The following UBR1 variants were observed in gnomAD, a reference collection of about 807,000 sequenced individuals.
The protein encoded by UBR1 is ubiquitin protein ligase E3 component n-recognin 1.
A neutral mutation model predicts 242.1 loss-of-function variants in UBR1; 102 were observed. That is an observed-to-expected ratio of 0.42 (90% confidence interval 0.36 to 0.50). The LOEUF is 0.50. Among genes scored for constraint, UBR1 ranks in the 20% least tolerant of loss-of-function variants. The probability of loss-of-function intolerance (pLI) is 0.01; values close to 1 mark genes in which losing one functional copy is unlikely to be tolerated. For missense variants in UBR1, 1,772 were observed against 2,101.8 expected, an observed-to-expected ratio of 0.84 and a Z score of 3.07; for synonymous variants, 675 against 684.8, an observed-to-expected ratio of 0.99 and a Z score of 0.22.
chr15:42,990,200 T>C, intron 33 of UBR1, 80 bp from the exon 34 acceptor site: 1 of 1,056,578 alleles, frequency 9.5e-7, no homozygotes, highest in East Asian at 2.6e-5. Flanking sequence ...TTTATTTATT[T>C]ATTTTTGACA....
At chr15:43,094,798 TAA>T (rs771599020) in intron 1 of UBR1, among the ~76,000 whole-genome samples, 1 of 152,252 alleles carries the variant, frequency 6.6e-6, no homozygotes, top group South Asian at 2.1e-4. Flanking sequence ...GTAAATATGA[TAA>T]GTCTTCTATG....
rs778098996 is a variant in UBR1 at position 42,966,215 on chromosome 15, C to T, written c.4529G>A (p.Arg1510His). Reference sequence around the variant, plus strand: ...ATAGTGGAAAAACAATGCAGCACAGCGAAGATAAGGGGTGATGCCATTCTT... The same window carrying T: ...ATAGTGGAAAAACAATGCAGCACAGTGAAGATAAGGGGTGATGCCATTCTT... ...SLKNGITPYLRCAALFFHYLL... is the reference protein window; with the variant it reads ...SLKNGITPYLHCAALFFHYLL... The change falls in exon 41 of 47, where the codon CGC (arginine) becomes CAC (histidine). Residue 1510 changes from arginine (R) to histidine (H), a missense_variant. Around this residue, in one of 3 missense-constraint regions of UBR1, gnomAD observed 965 missense variants for 1,079.7 expected, o/e 0.89. Transcript: ENST00000290650. The T allele has an allele frequency of 1.1e-5, 18 of 1,613,942 alleles. No individual in the cohort carries two copies. Among genetic ancestry groups the T allele is most frequent in the African/African-American group, 5.3e-5 (4 of 74,866 alleles).
At chr15:43,101,097 C>A (rs2141372939) in intron 1 of UBR1, among the ~76,000 whole-genome samples, 1 of 152,278 alleles carries the variant, frequency 6.6e-6, no homozygotes, top group East Asian at 1.9e-4. Flanking sequence ...ACAGCACAGA[C>A]CCTAAAGCAA....
intron 33 of UBR1, 91 bp downstream of exon 33, chr15:42,998,077 G>A: frequency 8.6e-7 from 1 of 1,167,798 alleles, no homozygotes; most frequent in Non-Finnish European, 1.2e-6. Flanking sequence ...ATCTGTACTT[G>A]CAAACCATAT....
intron 4 of UBR1, among the ~76,000 whole-genome samples, chr15:43,074,516 C>T (rs537053982): frequency 6.6e-6 from 1 of 152,156 alleles, no homozygotes; most frequent in Non-Finnish European, 1.5e-5. Context: ...GCAACCTCCA[C>T]CTCCCAGGTT....
chr15:42,983,939 G>A lies in UBR1; in HGVS notation c.4108C>T (p.Pro1370Ser). Residue 1370 changes from proline to serine, a missense_variant, in exon 37 of 47, where the codon CCT becomes TCT. Pro to Ser is a moderately conservative substitution (Grantham distance 74). Around this residue, in one of 3 missense-constraint regions of UBR1, gnomAD observed 965 missense variants for 1,079.7 expected, o/e 0.89. Transcript: ENST00000290650. ...AGATGTTTCTGTATCAGGACCTGAG[G>A]ACAGGTAATCCTCTGTGCAACTGCA... ...QFAVAQRITCPQVLIQKHLVR... is the reference protein window; with the variant it reads ...QFAVAQRITCSQVLIQKHLVR... The A allele has an allele frequency of 6.2e-7, 1 of 1,613,312 alleles. No homozygotes were observed. Among genetic ancestry groups the A allele is most frequent in the Non-Finnish European group, 8.5e-7 (1 of 1,179,628 alleles).
At chr15:43,036,626 G>T (rs763582579) in intron 17 of UBR1, 33 bp from the exon 18 acceptor site, 8 of 1,424,230 alleles carry the variant, frequency 5.6e-6, no homozygotes, top group Non-Finnish European at 7.9e-6. Context: ...AATCCTAAAA[G>T]AATTATTTTA....
At chr15:42,948,565 G>T (rs185054480) in intron 46 of UBR1, among the ~76,000 whole-genome samples, 1 of 151,508 alleles carries the variant, frequency 6.6e-6, no homozygotes, top group Non-Finnish European at 1.5e-5. Context: ...AATCCACAAT[G>T]AACTCAAACA....
intron 25 of UBR1, among the ~76,000 whole-genome samples, chr15:43,023,009 G>A (rs1433924296): frequency 1.3e-5 from 2 of 151,832 alleles, no homozygotes; most frequent in African/African-American, 4.8e-5. Context: ...GACTAGAGGT[G>A]CACACGACCA....
rs1356908016 is a variant in UBR1 at position 43,037,323 on chromosome 15, C to T, written c.2022+450G>A. ...AGATTACACCACTGCACTCCATAGC[C>T]TGGGCAGTAGAGTGAGACTCTGTCT... On this transcript the variant is annotated intron_variant, in intron 17 of 46. Transcript: ENST00000290650. Among the ~76,000 whole-genome samples, 5 of 147,502 alleles carry T rather than the reference C, an allele frequency of 3.4e-5. 1 individual carries two copies. The highest frequency in any genetic ancestry group is 7.2e-3 in the Middle Eastern group (2 of 278).
At chr15:43,023,598 CAAAAAAA>C (rs35071600) in intron 25 of UBR1, among the ~76,000 whole-genome samples, 1 of 39,952 alleles carries the variant, frequency 2.5e-5, no homozygotes, top group African/African-American at 1.3e-4. Flanking sequence ...AACTCCATCT[CAAAAAAA>C]AAAAAAAAAA....
intron 17 of UBR1, among the ~76,000 whole-genome samples, chr15:43,037,363 G>A (rs1482489421): frequency 1.6e-4 from 23 of 142,586 alleles, no homozygotes; most frequent in South Asian, 2.2e-4. Context: ...AAAAAAAAAA[G>A]AAAAAGGAAA....
intron 29 of UBR1, among the ~76,000 whole-genome samples, chr15:43,014,732 C>A (rs1414537335): frequency 6.7e-6 from 1 of 149,666 alleles, no homozygotes; most frequent in Non-Finnish European, 1.5e-5. Context: ...GCAGCCACCC[C>A]GTCTGGGAAG....
Position 43,086,091 on chromosome 15 carries a change from G to A in UBR1, c.231C>T (p.Tyr77=), listed in dbSNP as rs757728088. The change falls in exon 2 of 47, where the codon TAC becomes TAT. Residue 77 remains tyrosine, a synonymous_variant. Transcript: ENST00000290650. ...AAATATCTGGATCTTCTCCAAATAA[G>A]TACCATTCCAGTGGAGTGAATATTG... ...QMSIFTPLEW[Y]LFGEDPDICL... 1 of 1,614,040 alleles carries A rather than the reference G, an allele frequency of 6.2e-7. No homozygotes were observed. The highest frequency in any genetic ancestry group is 1.7e-5 in the Admixed American group (1 of 59,996).
At position 42,945,265 on chromosome 15, in the gene UBR1, C is replaced by T; in HGVS notation, c.*64G>A. On this transcript the variant is annotated 3_prime_UTR_variant, in exon 47 of 47. Coordinates refer to ENST00000290650, the MANE Select transcript of UBR1 (RefSeq NM_174916.3). ...CTTTCCCAGCCCTCAGAAAGTTTTC[C>T]ATAATTTTGAATCAGCCTTTACTAC... is the stretch of plus-strand genomic sequence containing the variant. 6.2e-7 allele frequency: 1 copy of T among 1,612,632 alleles called. No individual in the cohort carries two copies. Among genetic ancestry groups the T allele is most frequent in the Non-Finnish European group, 8.5e-7 (1 of 1,179,264 alleles).
chr15:43,066,625 C>G (rs895593790), intron 6 of UBR1, among the ~76,000 whole-genome samples: 1 of 152,052 alleles, frequency 6.6e-6, no homozygotes, highest in Non-Finnish European at 1.5e-5. Context: ...TTGTTCGTGT[C>G]CTGTTGAGCA....
intron 1 of UBR1, 55 bp from the exon 2 acceptor site, chr15:43,086,295 C>T (rs2034035362): frequency 6.3e-7 from 1 of 1,586,574 alleles, no homozygotes; most frequent in East Asian, 2.2e-5. Flanking sequence ...TCTTAATCAT[C>T]TAGGGGCACA....
chr15:43,007,167 T>C lies in UBR1; in HGVS notation c.3327A>G (p.Ile1109Met). Residue 1109 changes from isoleucine (I) to methionine (M), a missense_variant, in exon 30 of 47, where the codon ATA (isoleucine) becomes ATG (methionine). Physicochemically the swap from Ile to Met is conservative, Grantham distance 10. Transcript: ENST00000290650. ...CCGATAATACCATGGCATTATTTTC[T>C]ATTTTCACCTCCTGTTCTTCTTGGC... ...ILCQEEQEVK[I>M]ENNAMVLSAC... 1 of 1,614,198 alleles carries C rather than the reference T, an allele frequency of 6.2e-7. No homozygotes were observed. The highest frequency in any genetic ancestry group is 8.5e-7 in the Non-Finnish European group (1 of 1,180,028).
Position 43,007,276 on chromosome 15 carries a change from G to T in UBR1, c.3218C>A (p.Ala1073Glu), listed in dbSNP as rs781606224. 1 of 1,614,062 alleles carries T rather than the reference G, an allele frequency of 6.2e-7. No homozygotes were observed. Among genetic ancestry groups the T allele is most frequent in the Non-Finnish European group, 8.5e-7 (1 of 1,179,960 alleles). Residue 1073 changes from alanine (A) to glutamate (E), a missense_variant, in exon 30 of 47, where the codon GCA becomes GAA. Ala to Glu is a moderately radical substitution (Grantham distance 107, BLOSUM62 -1). This residue lies in a region of UBR1 where 965 missense variants were observed against 1,079.7 expected (regional missense o/e 0.89). Coordinates refer to ENST00000290650, the MANE Select transcript of UBR1 (RefSeq NM_174916.3). ...AGCAATTCTAGAGTAGTCACTGACTGCTGGGGTGCTACCAAAAGAAATGAT... is the reference window on the plus strand; with the variant it reads ...AGCAATTCTAGAGTAGTCACTGACTTCTGGGGTGCTACCAAAAGAAATGAT... ...DSIMEEESTPAVSDYSRIALG... is the reference protein window; with the variant it reads ...DSIMEEESTPEVSDYSRIALG...
Sources: allele counts gnomAD v4.1 joint callset (sites outside exome capture counted in the v4.1 genomes callset), GRCh38; gene constraint gnomAD v4.1.1; regional missense constraint gnomAD v4.1.1; transcripts MANE v1.5; gene names NCBI Gene and HGNC (gene_info 2026-07-23, HGNC 2026-07-21).